TRIM45: variants seen among roughly 807,000 people sequenced by gnomAD.
TRIM45 encodes the protein tripartite motif containing 45, also known as E3 ubiquitin-protein ligase TRIM45.
TRIM45 carries 45 observed loss-of-function variants against 46.7 expected under a neutral mutation model. That is an observed-to-expected ratio of 0.96 (90% CI 0.76 to 1.24). The LOEUF (loss-of-function observed/expected upper bound fraction) is 1.24, where lower values mean the gene tolerates loss of function less well. TRIM45 is among the 50% of genes most tolerant of loss of function. The probability of loss-of-function intolerance (pLI) is 0.00; values close to 1 mark genes in which losing one functional copy is unlikely to be tolerated. For missense variants in TRIM45, 680 were observed against 728.4 expected (o/e 0.93, Z 0.77); for synonymous variants, 259 against 285.8 (o/e 0.91, Z 0.94).
chr1:117,120,490 G>A (rs979835561), intron 1 of TRIM45, among the ~76,000 whole-genome samples: 8 of 152,210 alleles, frequency 5.3e-5, no homozygotes, highest in Non-Finnish European at 1.0e-4. Context: ...TAAATTGAAA[G>A]GGTTTATTGC....
rs772850170 is a variant in TRIM45 at position 117,115,700 on chromosome 1, A to G, written c.1353-11T>C. ...ATTGTTCTGACTGGGCTGAATGGAG[A>G]TAAGAGTCAAAACACCACTCACTTC... On this transcript the variant is annotated splice_polypyrimidine_tract_variant and intron_variant, in intron 3 of 5. Coordinates refer to ENST00000256649, the MANE Select transcript of TRIM45 (RefSeq NM_025188.4). The surrounding 1 kb of genome is among the most constrained non-coding windows in gnomAD (Gnocchi z 4.2). 1.9e-5 allele frequency: 31 copies of G among 1,597,974 alleles called. No homozygotes were observed. The highest frequency in any genetic ancestry group is 1.8e-4 in the Admixed American group (11 of 59,936).
At position 117,117,937 on chromosome 1, in the gene TRIM45, C is replaced by G; in HGVS notation, c.1222+97G>C. 2.0e-6 allele frequency: 3 copies of G among 1,469,190 alleles called. No individual in the cohort carries two copies. The highest frequency in any genetic ancestry group is 2.8e-6 in the Non-Finnish European group (3 of 1,083,066). The allele number at this position is 1,469,190 out of a possible 1,614,324, so 91.0% of individuals were successfully genotyped here. On this transcript the variant is annotated intron_variant, in intron 2 of 5. Transcript: ENST00000256649. The surrounding 1 kb of genome is among the most constrained non-coding windows in gnomAD (Gnocchi z 4.9). ...ATCTCCCCACCTTTGGTAACCTGGT[C>G]AGTAGGGCATGCTTCCTAGCAGAAC...
chr1:117,112,306 C>T lies in TRIM45; in HGVS notation c.1742G>A (p.Ter581=). ...PRSLLRTVAL[*] is the part of the protein sequence containing the mutation. ...TTTAAAAGGCTGAGCACAAACCCAT[C>T]AGAGAGCCACAGTCCTAAGTAGACT... Residue 581 remains the stop codon, a stop_retained_variant, in exon 6 of 6, where the codon TGA becomes TAA. Transcript: ENST00000256649. 1.3e-6 allele frequency: 2 copies of T among 1,595,784 alleles called. No homozygotes were observed. Among genetic ancestry groups the T allele is most frequent in the Non-Finnish European group, 1.7e-6 (2 of 1,171,364 alleles).
rs959862940 is a variant in TRIM45 at position 117,118,982 on chromosome 1, G to A, written c.489-215C>T. On this transcript the variant is annotated intron_variant, in intron 1 of 5. Transcript: ENST00000256649. The surrounding 1 kb of genome is among the most constrained non-coding windows in gnomAD (Gnocchi z 5.7). Reference sequence around the variant, plus strand: ...TGAAAGAGCTGTTGTATAGAATAACGTGTGAACAGACTAGGGCTCTGGCTG... The same window carrying A: ...TGAAAGAGCTGTTGTATAGAATAACATGTGAACAGACTAGGGCTCTGGCTG... Among the ~76,000 whole-genome samples the A allele has an allele frequency of 4.6e-5, 7 of 152,210 alleles. No homozygotes were observed. Among genetic ancestry groups the A allele is most frequent in the Non-Finnish European group, 8.8e-5 (6 of 68,036 alleles).
Position 117,116,743 on chromosome 1 carries a change from G to C in TRIM45, c.1225C>G (p.Leu409Val), listed in dbSNP as rs1188404705. The C allele has an allele frequency of 1.2e-6, 2 of 1,614,000 alleles. No homozygotes were observed. The highest frequency in any genetic ancestry group is 2.2e-5 in the South Asian group (2 of 91,070). Residue 409 changes from leucine (L) to valine (V), a missense_variant and splice_region_variant, in exon 3 of 6, where the codon CTC becomes GTC. This residue lies in a region of TRIM45 where 322 missense variants were observed against 359.3 expected (regional missense o/e 0.90). Transcript: ENST00000256649. This position sits in a 1 kb window ranked among gnomAD's most constrained non-coding sequence, Gnocchi z 4.6. ...PAKCVLQGED[L>V]HRAREKQTAS... ...GTCTGTTTCTCCCGGGCTCTGTGGA[G>C]GTCTGAAAAAGATAAACACTCGGTC...
Position 117,116,622 on chromosome 1 carries a change from TTCTTA to T in TRIM45, c.1341_1345del (p.Asp447GlufsTer12), listed in dbSNP as rs756170965. 4.9e-5 allele frequency: 79 copies of T among 1,613,766 alleles called. No individual in the cohort carries two copies. The African/African-American group carries it at 7.7e-4, about 16-fold the overall frequency. ...CTAATTGTGTCATACAAACCTGTCT[TTCTTA>T]TCTTTAGGGACAACGGCAACTTGAA... On this transcript the variant is annotated frameshift_variant, in exon 3 of 6. Coordinates refer to ENST00000256649, the MANE Select transcript of TRIM45 (RefSeq NM_025188.4). LOFTEE classifies it high-confidence loss of function. The surrounding 1 kb of genome is among the most constrained non-coding windows in gnomAD (Gnocchi z 4.6).
rs1487175675 is a variant in TRIM45 at position 117,117,849 on chromosome 1, G to A, written c.1222+185C>T. Among the ~76,000 whole-genome samples, 3 of 152,276 alleles carry A rather than the reference G, an allele frequency of 2.0e-5. No homozygotes were observed. Among genetic ancestry groups the A allele is most frequent in the African/African-American group, 7.2e-5 (3 of 41,564 alleles). Reference sequence around the variant, plus strand: ...GTCAAGCCTCACTCCTGTATTAACTGTACCCTAGCCAGAACAAACCAGAAA... The same window carrying A: ...GTCAAGCCTCACTCCTGTATTAACTATACCCTAGCCAGAACAAACCAGAAA... On this transcript the variant is annotated intron_variant, in intron 2 of 5. Coordinates refer to ENST00000256649, the MANE Select transcript of TRIM45 (RefSeq NM_025188.4). This position sits in a 1 kb window ranked among gnomAD's most constrained non-coding sequence, Gnocchi z 4.9.
At chr1:117,112,496 G>A (rs766295453) in intron 5 of TRIM45, 43 bp from the exon 6 acceptor site, 16 of 1,556,032 alleles carry the variant, frequency 1.0e-5, no homozygotes, top group East Asian at 2.3e-5. Context: ...AACCATTAGC[G>A]TGGAGGCCAG....
chr1:117,117,908 G>T lies in TRIM45; in HGVS notation c.1222+126C>A. 1.6e-6 allele frequency: 2 copies of T among 1,288,650 alleles called. No individual in the cohort carries two copies. Among genetic ancestry groups the T allele is most frequent in the Non-Finnish European group, 1.1e-6 (1 of 930,308 alleles). The allele number at this position is 1,288,650 out of a possible 1,614,324, so 79.8% of individuals were successfully genotyped here. The stretch of plus-strand genomic sequence containing the variant: ...GTGGGGGTCACTGTCTTTCAGATCA[G>T]TTTATCTCCCCACCTTTGGTAACCT... On this transcript the variant is annotated intron_variant, in intron 2 of 5. Transcript: ENST00000256649. The surrounding 1 kb of genome is among the most constrained non-coding windows in gnomAD (Gnocchi z 4.9).
rs898249293 is a variant in TRIM45, at chr1:117,113,035, G to A, written c.1594+324C>T. On this transcript the variant is annotated intron_variant, in intron 5 of 5. Coordinates refer to ENST00000256649, the MANE Select transcript of TRIM45 (RefSeq NM_025188.4). This position sits in a 1 kb window ranked among gnomAD's most constrained non-coding sequence, Gnocchi z 4.0. ...TTGGAATTTATTTAAGGTTCTAAAA[G>A]GAATAAGATGGGTCCATAGTTTTCA... 6.6e-6 allele frequency among the ~76,000 whole-genome samples: 1 copy of A among 152,174 alleles called. No individual in the cohort carries two copies. The highest frequency in any genetic ancestry group is 1.5e-5 in the Non-Finnish European group (1 of 68,022).
intron 4 of TRIM45, among the ~76,000 whole-genome samples, chr1:117,114,918 TA>T (rs1193686881): frequency 2.6e-5 from 4 of 152,184 alleles, no homozygotes; most frequent in Non-Finnish European, 5.9e-5. Context: ...AACCTCTGAC[TA>T]CTCCAATGTC....
Position 117,121,484 on chromosome 1 carries a change from C to T in TRIM45, c.-283G>A, listed in dbSNP as rs936976510. Reference sequence around the variant, plus strand: ...GTCCTCCCCGGATGCGCTTCCAGGTCTAGCTCTCCAGCTAGTCCTGCTGCC... The same window carrying T: ...GTCCTCCCCGGATGCGCTTCCAGGTTTAGCTCTCCAGCTAGTCCTGCTGCC... On this transcript the variant is annotated 5_prime_UTR_variant, in exon 1 of 6. Coordinates refer to ENST00000256649, the MANE Select transcript of TRIM45 (RefSeq NM_025188.4). This position sits in a 1 kb window ranked among gnomAD's most constrained non-coding sequence, Gnocchi z 4.2. 1 of 524,118 alleles carries T rather than the reference C, an allele frequency of 1.9e-6. No homozygotes were observed. The highest frequency in any genetic ancestry group is 3.7e-5 in the Admixed American group (1 of 27,246). The allele number at this position is 524,118 out of a possible 1,614,324, so 32.5% of individuals were successfully genotyped here.
rs1356419350 is a variant in TRIM45 at position 117,117,062 on chromosome 1, G to A, written c.1223-317C>T. 7.2e-5 allele frequency among the ~76,000 whole-genome samples: 11 copies of A among 152,116 alleles called. No homozygotes were observed. The highest frequency in any genetic ancestry group is 2.7e-4 in the African/African-American group (11 of 41,414). On this transcript the variant is annotated intron_variant, in intron 2 of 5. Transcript: ENST00000256649. This position sits in a 1 kb window ranked among gnomAD's most constrained non-coding sequence, Gnocchi z 4.9. ...TTTAAAGAAAACCTCTAGACCCTGT[G>A]AGAGAGGATAGTAACCCCAAAACCA...
Position 117,112,137 on chromosome 1 carries a change from C to T in TRIM45, c.*168G>A. 1.4e-6 allele frequency: 1 copy of T among 706,792 alleles called. No homozygotes were observed. Among genetic ancestry groups the T allele is most frequent in the South Asian group, 4.0e-5 (1 of 25,002 alleles). 43.8% of individuals were successfully genotyped at this position (706,792 alleles called of 1,614,324 possible). A position where few individuals can be genotyped will look rare whatever the true frequency, so the allele number is the denominator to read the frequency against. On this transcript the variant is annotated 3_prime_UTR_variant, in exon 6 of 6. Transcript: ENST00000256649. Reference sequence around the variant, plus strand: ...AGGTGGTTTTTTGTGCTCAACCATCCACAAGTACAATCAGTGAATAACTAA... The same window carrying T: ...AGGTGGTTTTTTGTGCTCAACCATCTACAAGTACAATCAGTGAATAACTAA...
rs758551872 is a variant in TRIM45 at position 117,117,774 on chromosome 1, C to T, written c.1222+260G>A. The stretch of plus-strand genomic sequence containing the variant: ...GTTCTGCCATCTGATAGAAACAAAA[C>T]ATGATCTGTGTGTTTCTCAGCCATT... On this transcript the variant is annotated intron_variant, in intron 2 of 5. Transcript: ENST00000256649. The surrounding 1 kb of genome is among the most constrained non-coding windows in gnomAD (Gnocchi z 4.9). Among the ~76,000 whole-genome samples, 7 of 152,204 alleles carry T rather than the reference C, an allele frequency of 4.6e-5. No individual in the cohort carries two copies. Among genetic ancestry groups the T allele is most frequent in the Non-Finnish European group, 1.0e-4 (7 of 68,022 alleles).
intron 5 of TRIM45, 150 bp from the exon 6 acceptor site, chr1:117,112,603 C>G: frequency 1.4e-6 from 1 of 736,732 alleles, no homozygotes; most frequent in Non-Finnish European, 2.1e-6. Context: ...AACAAGCTGT[C>G]TGACTGTTGT....
chr1:117,116,191 T>C lies in TRIM45; in HGVS notation c.1352+425A>G, dbSNP rs1407617525. Among the ~76,000 whole-genome samples the C allele has an allele frequency of 6.6e-6, 1 of 151,948 alleles. No individual in the cohort carries two copies. Among genetic ancestry groups the C allele is most frequent in the Non-Finnish European group, 1.5e-5 (1 of 67,986 alleles). On this transcript the variant is annotated intron_variant, in intron 3 of 5. Transcript: ENST00000256649. The surrounding 1 kb of genome is among the most constrained non-coding windows in gnomAD (Gnocchi z 4.6). Reference sequence around the variant, plus strand: ...CATTTGGTCACGTAACGTTTCATAGTATTATGGGGAGGTAAGACGTAACTA... The same window carrying C: ...CATTTGGTCACGTAACGTTTCATAGCATTATGGGGAGGTAAGACGTAACTA...
Position 117,113,321 on chromosome 1 carries a change from C to T in TRIM45, c.1594+38G>A, listed in dbSNP as rs758032469. On this transcript the variant is annotated intron_variant, in intron 5 of 5. Coordinates refer to ENST00000256649, the MANE Select transcript of TRIM45 (RefSeq NM_025188.4). This position sits in a 1 kb window ranked among gnomAD's most constrained non-coding sequence, Gnocchi z 4.0. Reference sequence around the variant, plus strand: ...AGGGCCCGTCGCTTGATTCCCACTGCTGGCAGAAAGGCCCAGAGGGTAGTG... The same window carrying T: ...AGGGCCCGTCGCTTGATTCCCACTGTTGGCAGAAAGGCCCAGAGGGTAGTG... The T allele has an allele frequency of 1.2e-6, 2 of 1,605,370 alleles. No individual in the cohort carries two copies. Among genetic ancestry groups the T allele is most frequent in the East Asian group, 4.5e-5 (2 of 44,756 alleles).
In TRIM45 at chr1:117,120,724, G is replaced by A. The variant is rs1401610794; in HGVS notation, c.478C>T (p.Gln160Ter). The A allele has an allele frequency of 3.7e-6, 6 of 1,605,582 alleles. No homozygotes were observed. In the South Asian group the frequency reaches 4.5e-5, roughly 12 times the overall value. ...CKANLCHFCC[Q>*]AHRRQKKTTY... is the part of the protein sequence containing the mutation. ...GTGTCCCATCTTTACCTATGAGCCTGGCAGCAGAAGTGGCAGAGGTTGGCT... is the reference window on the plus strand; with the variant it reads ...GTGTCCCATCTTTACCTATGAGCCTAGCAGCAGAAGTGGCAGAGGTTGGCT... The change falls in exon 1 of 6, where the codon CAG becomes TAG. Residue 160 changes from glutamine (Q) to a stop codon, truncating the protein, a stop_gained. Transcript: ENST00000256649. LOFTEE classifies it high-confidence loss of function.
Sources: allele counts gnomAD v4.1 joint callset (sites outside exome capture counted in the v4.1 genomes callset), GRCh38; gene constraint gnomAD v4.1.1; regional missense constraint gnomAD v4.1.1; non-coding constraint Gnocchi (gnomAD v3.1); transcripts MANE v1.5; gene names NCBI Gene and HGNC (gene_info 2026-07-23, HGNC 2026-07-21).